CYP11A1: variants seen among roughly 807,000 people sequenced by gnomAD.
CYP11A1 encodes the protein cytochrome P450 family 11 subfamily A member 1.
In CYP11A1, 25 loss-of-function variants were observed where a neutral mutation model predicts 51.9. The ratio of observed to expected loss-of-function variants is 0.48; its 90% CI spans 0.35 to 0.67. The LOEUF is 0.67. CYP11A1 is among the 30% of genes least tolerant of loss of function. The probability of loss-of-function intolerance (pLI) is 0.00; values close to 1 mark genes in which losing one functional copy is unlikely to be tolerated. For synonymous variants in CYP11A1, 245 were observed against 262.1 expected, an observed-to-expected ratio of 0.93 and a Z score of 0.63; for missense variants, 578 against 680.9, an observed-to-expected ratio of 0.85 and a Z score of 1.68.
rs576536357 is a variant in CYP11A1, at chr15:74,339,437, G to C, written c.1158-122C>G. 5 of 1,381,138 alleles carry C rather than the reference G, an allele frequency of 3.6e-6. No individual in the cohort carries two copies. In the African/African-American group the frequency reaches 5.7e-5, roughly 16 times the overall value. 85.6% of individuals were successfully genotyped at this position (1,381,138 alleles called of 1,614,324 possible). ...CAGCCTGGGGGGACCTGGGGGTAGG[G>C]CCCTGGCTCTATTTCTTTCTCCTCC... On this transcript the variant is annotated intron_variant, in intron 6 of 8. Transcript: ENST00000268053.
intron 1 of CYP11A1, among the ~76,000 whole-genome samples, chr15:74,360,306 A>AG (rs2060701673): frequency 6.6e-6 from 1 of 151,962 alleles, no homozygotes; most frequent in Admixed American, 6.6e-5. Context: ...GTTTTGACAG[A>AG]GTCTCACTCT....
intron 1 of CYP11A1, among the ~76,000 whole-genome samples, chr15:74,358,781 T>A (rs990279562): frequency 6.6e-5 from 10 of 152,244 alleles, no homozygotes; most frequent in Non-Finnish European, 1.5e-4. Flanking sequence ...TACAGTCTGA[T>A]AACAGACCAG....
chr15:74,337,817 G>T lies in CYP11A1; in HGVS notation c.*155C>A. The stretch of plus-strand genomic sequence containing the variant: ...GTGGGTGAAGAGGAGTGGCCCAGCT[G>T]AGCTGAGGAAGGTGACCACTGAGAA... On this transcript the variant is annotated 3_prime_UTR_variant, in exon 9 of 9. Transcript: ENST00000268053. 1.1e-6 allele frequency: 1 copy of T among 922,160 alleles called. No homozygotes were observed. The highest frequency in any genetic ancestry group is 1.7e-6 in the Non-Finnish European group (1 of 584,158). The allele number at this position is 922,160 out of a possible 1,614,324, so 57.1% of individuals were successfully genotyped here.
chr15:74,361,819 T>C, intron 1 of CYP11A1: 1 of 1,191,196 alleles, frequency 8.4e-7, no homozygotes, highest in Non-Finnish European at 1.3e-6. Flanking sequence ...AACTTCATCC[T>C]AAGGCATACA....
chr15:74,343,918 T>G lies in CYP11A1; in HGVS notation c.700A>C (p.Ile234Leu). Residue 234 changes from isoleucine to leucine, a missense_variant, in exon 4 of 9, where the codon ATT becomes CTT. Physicochemically the swap from Ile to Leu is conservative, Grantham distance 5 (BLOSUM62 2). Transcript: ENST00000268053. ...TGGAACATCTGGTAGATGGCATCAA[T>G]GAATCGCTGGGCCTCGGGGTTCACT... is the stretch of plus-strand genomic sequence containing the variant. ...EVVNPEAQRF[I>L]DAIYQMFHTS... is the part of the protein sequence containing the mutation. The G allele has an allele frequency of 6.2e-7, 1 of 1,614,120 alleles. No homozygotes were observed. Among genetic ancestry groups the G allele is most frequent in the Non-Finnish European group, 8.5e-7 (1 of 1,180,028 alleles).
At chr15:74,360,894 ACT>A (rs2060705343) in intron 1 of CYP11A1, among the ~76,000 whole-genome samples, 1 of 152,076 alleles carries the variant, frequency 6.6e-6, no homozygotes, top group African/African-American at 2.4e-5. Flanking sequence ...CAAGAGTGAA[ACT>A]CTGTCTCAAA....
At chr15:74,347,146 T>C (rs2060636414) in intron 2 of CYP11A1, among the ~76,000 whole-genome samples, 1 of 152,048 alleles carries the variant, frequency 6.6e-6, no homozygotes. Flanking sequence ...TGGTGGCTCA[T>C]GCCTATAATC....
intron 1 of CYP11A1, 137 bp downstream of exon 1, chr15:74,367,178 CAA>C (rs11350546): frequency 0.092 from 60,828 of 663,094 alleles, no homozygotes; most frequent in Non-Finnish European, 0.11. Context: ...ATTGTATTAC[CAA>C]AAAAAAAAAA....
intron 1 of CYP11A1, among the ~76,000 whole-genome samples, chr15:74,350,489 T>C (rs2060651140): frequency 6.6e-6 from 1 of 151,970 alleles, no homozygotes; most frequent in Non-Finnish European, 1.5e-5. Flanking sequence ...ATCTGTAAAG[T>C]GGGGAAATAA....
chr15:74,338,063 T>C lies in CYP11A1; in HGVS notation c.1475A>G (p.Asp492Gly). ...NFRVEIQHLS[D>G]VGTTFNLILM... The stretch of plus-strand genomic sequence containing the variant: ...AATGAGGTTGAATGTGGTGCCCACA[T>C]CGCTGAGGTGTTGGATTTCAACTCT... Residue 492 changes from aspartate to glycine, a missense_variant, in exon 9 of 9, where the codon GAT (aspartate) becomes GGT (glycine). Coordinates refer to ENST00000268053, the MANE Select transcript of CYP11A1 (RefSeq NM_000781.3). The C allele has an allele frequency of 6.2e-7, 1 of 1,614,164 alleles. No homozygotes were observed. The highest frequency in any genetic ancestry group is 1.1e-5 in the South Asian group (1 of 91,080).
At position 74,339,666 on chromosome 15, in the gene CYP11A1, G is replaced by A. The variant is rs1284060395; in HGVS notation, c.1078C>T (p.Arg360Trp). 7 of 1,614,010 alleles carry A rather than the reference G, an allele frequency of 4.3e-6. No individual in the cohort carries two copies. Among genetic ancestry groups the A allele is most frequent in the South Asian group, 2.2e-5 (2 of 91,082 alleles). ...DMLRAEVLAA[R>W]HQAQGDMATM... ...GCCATGTCTCCCTGGGCCTGGTGCCGCGCAGCCAAGACCTCTGCCCGCAGC... is the reference window on the plus strand; with the variant it reads ...GCCATGTCTCCCTGGGCCTGGTGCCACGCAGCCAAGACCTCTGCCCGCAGC... The change falls in exon 6 of 9, where the codon CGG becomes TGG. Residue 360 changes from arginine (R) to tryptophan (W), a missense_variant. Transcript: ENST00000268053.
intron 1 of CYP11A1, among the ~76,000 whole-genome samples, chr15:74,355,098 C>A (rs924825420): frequency 2.0e-5 from 3 of 152,050 alleles, no homozygotes; most frequent in Non-Finnish European, 2.9e-5. Flanking sequence ...CACACCTTCT[C>A]TCCATGTCTC....
chr15:74,337,762 C>T lies in CYP11A1; in HGVS notation c.*210G>A. 2 of 644,076 alleles carry T rather than the reference C, an allele frequency of 3.1e-6. No homozygotes were observed. Among genetic ancestry groups the T allele is most frequent in the Non-Finnish European group, 5.6e-6 (2 of 359,016 alleles). The allele number at this position is 644,076 out of a possible 1,614,324, so 39.9% of individuals were successfully genotyped here. ...GAGTCTGATGGAACGCAAGACACCACATGGTTCAGCTGTTTATTGTCTCCA... is the reference window on the plus strand; with the variant it reads ...GAGTCTGATGGAACGCAAGACACCATATGGTTCAGCTGTTTATTGTCTCCA... On this transcript the variant is annotated 3_prime_UTR_variant, in exon 9 of 9. Transcript: ENST00000268053.
chr15:74,338,139 G>A (rs757107162), intron 8 of CYP11A1, 36 bp from the exon 9 acceptor site: 7 of 1,613,820 alleles, frequency 4.3e-6, no homozygotes, highest in South Asian at 1.1e-5. Flanking sequence ...GGGGAGGGCA[G>A]GGGAGGATCT....
Position 74,367,611 on chromosome 15 carries a change from C to G in CYP11A1, c.-26G>C, listed in dbSNP as rs778398353. The stretch of plus-strand genomic sequence containing the variant: ...GCTGTCCCCACAGCTGTGACTGTAC[C>G]TGCTCCACTTCAGCGGGGACTGCTA... On this transcript the variant is annotated 5_prime_UTR_variant, in exon 1 of 9. Transcript: ENST00000268053. 17 of 1,610,984 alleles carry G rather than the reference C, an allele frequency of 1.1e-5. No homozygotes were observed. Among genetic ancestry groups the G allele is most frequent in the Non-Finnish European group, 1.4e-5 (16 of 1,179,126 alleles).
chr15:74,366,073 G>C, intron 1 of CYP11A1: 2 of 985,596 alleles, frequency 2.0e-6, no homozygotes, highest in Non-Finnish European at 2.4e-6. Context: ...GGCTCGGGCT[G>C]TGTCGAGGGG....
chr15:74,343,070 A>T lies in CYP11A1; in HGVS notation c.897T>A (p.Arg299=). Residue 299 remains arginine (R), a synonymous_variant, in exon 5 of 9, where the codon CGT becomes CGA. Transcript: ENST00000268053. ...RQKGSVHHDY[R]GILYRLLGDS... is the part of the protein sequence containing the mutation. ...CTCCCAGGAGTCTGTAGAGGATGCCACGGTAATCGTGGTGAACACTTCCTT... is the reference window on the plus strand; with the variant it reads ...CTCCCAGGAGTCTGTAGAGGATGCCTCGGTAATCGTGGTGAACACTTCCTT... 6.2e-7 allele frequency: 1 copy of T among 1,613,870 alleles called. No individual in the cohort carries two copies. Among genetic ancestry groups the T allele is most frequent in the Non-Finnish European group, 8.5e-7 (1 of 1,180,022 alleles).
At chr15:74,348,113 G>A in intron 1 of CYP11A1, 58 bp from the exon 2 acceptor site, 3 of 1,580,188 alleles carry the variant, frequency 1.9e-6, no homozygotes, top group Non-Finnish European at 2.6e-6. Flanking sequence ...ATGGATACAG[G>A]CTCAGCACAG....
At chr15:74,357,136 C>T (rs1181224263) in intron 1 of CYP11A1, among the ~76,000 whole-genome samples, 3 of 152,166 alleles carry the variant, frequency 2.0e-5, no homozygotes, top group Non-Finnish European at 4.4e-5. Flanking sequence ...CTCCTATCCT[C>T]CATACCTCCC....
Sources: allele counts gnomAD v4.1 joint callset (sites outside exome capture counted in the v4.1 genomes callset), GRCh38; gene constraint gnomAD v4.1.1; transcripts MANE v1.5; gene names NCBI Gene and HGNC (gene_info 2026-07-23, HGNC 2026-07-21).